Variants in PTPN4 observed in about 807,000 individuals in gnomAD.
PTPN4 encodes the protein protein tyrosine phosphatase non-receptor type 4, also known as tyrosine-protein phosphatase non-receptor type 4.
Under a neutral mutation model 135.5 loss-of-function variants are expected in PTPN4, and 49 were observed. The observed-to-expected ratio is 0.36, with a 90% CI of 0.29 to 0.46. The LOEUF is 0.46. PTPN4 is among the 20% of genes least tolerant of loss of function. The pLI, the probability that PTPN4 is intolerant of heterozygous loss-of-function variation, is 1.00. For missense variants in PTPN4, 860 were observed against 1,101.0 expected (o/e 0.78, Z 3.10); for synonymous variants, 333 against 369.9 (o/e 0.90, Z 1.14).
At chr2:119,784,343 A>G (rs1156936787) in intron 1 of PTPN4, among the ~76,000 whole-genome samples, 1 of 140,732 alleles carries the variant, frequency 7.1e-6, no homozygotes, top group East Asian at 2.1e-4. Flanking sequence ...ACCTACCACC[A>G]AGTAGCTGGG....
At chr2:119,849,999 T>TCTGA (rs1396340048) in intron 2 of PTPN4, among the ~76,000 whole-genome samples, 1 of 152,276 alleles carries the variant, frequency 6.6e-6, no homozygotes, top group Non-Finnish European at 1.5e-5. Context: ...TGATGTTTGT[T>TCTGA]CTGACTCTAG....
At chr2:119,929,689 A>G (rs1262842345) in intron 13 of PTPN4, among the ~76,000 whole-genome samples, 3 of 152,166 alleles carry the variant, frequency 2.0e-5, no homozygotes, top group Admixed American at 1.3e-4. Context: ...AACAGGAAAC[A>G]TAGACAGCAA....
At chr2:119,881,045 C>T (rs941755856) in intron 5 of PTPN4, among the ~76,000 whole-genome samples, 10 of 152,148 alleles carry the variant, frequency 6.6e-5, no homozygotes, top group Non-Finnish European at 1.3e-4. Flanking sequence ...TCTTCTGCCA[C>T]CCCTATACAA....
At chr2:119,911,537 A>T (rs1574400760) in intron 10 of PTPN4, among the ~76,000 whole-genome samples, 1 of 152,176 alleles carries the variant, frequency 6.6e-6, no homozygotes. Flanking sequence ...AAAATCTGCT[A>T]ATATTATACA....
intron 2 of PTPN4, among the ~76,000 whole-genome samples, chr2:119,844,472 C>T (rs1157109226): frequency 9.6e-5 from 14 of 146,030 alleles, no homozygotes; most frequent in Non-Finnish European, 1.8e-4. Flanking sequence ...AGCTGCCGGG[C>T]GGAGGGGCTC....
At chr2:119,923,516 CAAAGTCAACAT>C (rs1405431399) in intron 12 of PTPN4, among the ~76,000 whole-genome samples, 1 of 152,088 alleles carries the variant, frequency 6.6e-6, no homozygotes, top group Non-Finnish European at 1.5e-5. Context: ...CATTCAAGTC[CAAAGTCAACAT>C]ATAGACATTA....
chr2:119,930,523 G>T (rs1340428193), intron 13 of PTPN4, among the ~76,000 whole-genome samples: 1 of 152,126 alleles, frequency 6.6e-6, no homozygotes, highest in African/African-American at 2.4e-5. Flanking sequence ...TATACATTTA[G>T]ATACAGAAAC....
intron 2 of PTPN4, among the ~76,000 whole-genome samples, chr2:119,846,234 T>G (rs1677497107): frequency 6.6e-6 from 1 of 152,222 alleles, no homozygotes; most frequent in Non-Finnish European, 1.5e-5. Flanking sequence ...GTTCCAAGTC[T>G]TTTATTTCCT....
intron 1 of PTPN4, among the ~76,000 whole-genome samples, chr2:119,763,638 A>G (rs183097018): frequency 1.3e-5 from 2 of 152,320 alleles, no homozygotes; most frequent in African/African-American, 2.4e-5. Context: ...AATGATGGAA[A>G]TATTCTTTTT....
intron 15 of PTPN4, among the ~76,000 whole-genome samples, chr2:119,936,288 C>T (rs938702057): frequency 1.3e-5 from 2 of 152,170 alleles, no homozygotes; most frequent in African/African-American, 2.4e-5. Flanking sequence ...AGGCGTGAGC[C>T]CCCGCGCCCG....
At chr2:119,816,398 C>A (rs1176181850) in intron 2 of PTPN4, among the ~76,000 whole-genome samples, 1 of 151,996 alleles carries the variant, frequency 6.6e-6, no homozygotes. Context: ...AAAAATAAAT[C>A]AAAAATCAAA....
chr2:119,959,598 G>C (rs1679335643), intron 22 of PTPN4, among the ~76,000 whole-genome samples: 1 of 152,212 alleles, frequency 6.6e-6, no homozygotes, highest in Admixed American at 6.5e-5. Context: ...GCAGTGAGTG[G>C]GAGGGTGTAG....
At chr2:119,785,918 A>G (rs148872248) in intron 1 of PTPN4, among the ~76,000 whole-genome samples, 7 of 152,302 alleles carry the variant, frequency 4.6e-5, no homozygotes, top group Admixed American at 4.6e-4. Context: ...ATGTGGATAG[A>G]CTGATCCATT....
chr2:119,876,097 A>G (rs1229854792), intron 3 of PTPN4, among the ~76,000 whole-genome samples: 2 of 152,194 alleles, frequency 1.3e-5, no homozygotes, highest in Admixed American at 1.3e-4. Context: ...TCTTTCAGAA[A>G]CAGAAAGGAG....
chr2:119,910,161 T>A (rs542262903), intron 10 of PTPN4, among the ~76,000 whole-genome samples: 13 of 151,888 alleles, frequency 8.6e-5, no homozygotes, highest in South Asian at 2.1e-4. Context: ...TCTTGCCACA[T>A]TGTGGCAAGA....
intron 1 of PTPN4, among the ~76,000 whole-genome samples, chr2:119,801,900 GTTT>G (rs768983862): frequency 1.0e-5 from 1 of 98,762 alleles, no homozygotes; most frequent in African/African-American, 3.8e-5. Context: ...CTTTCTTTCC[GTTT>G]TTTTTTTTTT....
chr2:119,801,901 T>C (rs900046052), intron 1 of PTPN4, among the ~76,000 whole-genome samples: 16 of 69,336 alleles, frequency 2.3e-4, no homozygotes, highest in African/African-American at 7.0e-4. Context: ...TTTCTTTCCG[T>C]TTTTTTTTTT....
At chr2:119,883,499 G>T (rs1180451492) in intron 8 of PTPN4, among the ~76,000 whole-genome samples, 2 of 151,994 alleles carry the variant, frequency 1.3e-5, no homozygotes, top group South Asian at 4.1e-4. Context: ...AAAGAGATTT[G>T]TTGCCTTGAA....
At chr2:119,852,842 GT>G (rs906849126) in intron 2 of PTPN4, among the ~76,000 whole-genome samples, 2 of 151,154 alleles carry the variant, frequency 1.3e-5, no homozygotes, top group Non-Finnish European at 3.0e-5. Flanking sequence ...CAGTTCAGTG[GT>G]TTTTTTTGTT....
Sources: gnomAD v4.1 joint callset for allele counts (sites outside exome capture counted in the v4.1 genomes callset) on GRCh38, gnomAD v4.1.1 for gene constraint, MANE v1.5 for transcripts, NCBI Gene and HGNC (gene_info 2026-07-23, HGNC 2026-07-21) for gene names.